The following UVRAG variants were observed in gnomAD, a reference collection of about 807,000 sequenced individuals.
UVRAG encodes UV radiation resistance associated.
In UVRAG, 19 loss-of-function variants were observed where a neutral mutation model predicts 78.0. That is an observed-to-expected ratio of 0.24 (90% CI 0.17 to 0.36). The LOEUF is 0.36. UVRAG is among the 10% of genes least tolerant of loss of function. The pLI is 1.00. For synonymous variants in UVRAG, 323 were observed against 324.6 expected, an observed-to-expected ratio of 1.00 and a Z score of 0.05; for missense variants, 740 against 853.8, an observed-to-expected ratio of 0.87 and a Z score of 1.66.
chr11:76,037,327 C>T (rs993676183), intron 12 of UVRAG, among the ~76,000 whole-genome samples: 1 of 152,032 alleles, frequency 6.6e-6, no homozygotes, highest in Non-Finnish European at 1.5e-5. Context: ...AGAAAAATAT[C>T]ATATCATTTC....
intron 7 of UVRAG, among the ~76,000 whole-genome samples, chr11:75,980,580 T>A (rs1050577955): frequency 2.0e-5 from 3 of 152,226 alleles, no homozygotes; most frequent in African/African-American, 7.2e-5. Flanking sequence ...TATAGTGTTT[T>A]TTTATTCTTC....
At chr11:75,894,691 C>A (rs1453518818) in intron 5 of UVRAG, among the ~76,000 whole-genome samples, 6 of 151,294 alleles carry the variant, frequency 4.0e-5, no homozygotes, top group Non-Finnish European at 8.9e-5. Flanking sequence ...GGCTGAGGCA[C>A]CCTGCCCAGA....
chr11:75,833,821 C>G (rs1169662897), intron 1 of UVRAG, among the ~76,000 whole-genome samples: 1 of 152,214 alleles, frequency 6.6e-6, no homozygotes, highest in Admixed American at 6.5e-5. Flanking sequence ...CCTTAAGGCA[C>G]AGATCGCTCA....
At chr11:75,976,777 G>GCTA (rs1258207526) in intron 7 of UVRAG, among the ~76,000 whole-genome samples, 1 of 151,948 alleles carries the variant, frequency 6.6e-6, no homozygotes, top group Non-Finnish European at 1.5e-5. Context: ...TATTAGTCTT[G>GCTA]CTAGCGGTCT....
intron 6 of UVRAG, among the ~76,000 whole-genome samples, chr11:75,946,579 G>A (rs954759962): frequency 4.6e-5 from 7 of 152,200 alleles, no homozygotes; most frequent in African/African-American, 1.2e-4. Context: ...TGTCAGCTGC[G>A]CTGTGTTCTT....
chr11:76,053,968 C>CA (rs11390273), intron 12 of UVRAG, among the ~76,000 whole-genome samples: 109,271 of 123,650 alleles, frequency 0.88, 48,668 homozygotes, highest in East Asian at 0.96. Context: ...GACTCCATCT[C>CA]AAAAAAAAAA....
At chr11:75,827,842 A>G (rs1945550475) in intron 1 of UVRAG, among the ~76,000 whole-genome samples, 1 of 152,322 alleles carries the variant, frequency 6.6e-6, no homozygotes, top group South Asian at 2.1e-4. Flanking sequence ...CCAGAAAACT[A>G]AACTTTTAAA....
intron 14 of UVRAG, among the ~76,000 whole-genome samples, chr11:76,129,821 T>C (rs888358474): frequency 6.6e-6 from 1 of 152,060 alleles, no homozygotes; most frequent in African/African-American, 2.4e-5. Flanking sequence ...GACCCCTCCA[T>C]TCTGCTCTCC....
chr11:76,141,391 C>T lies in UVRAG; in HGVS notation c.2078C>T (p.Pro693Leu), dbSNP rs1224775804. Residue 693 changes from proline to leucine, a missense_variant, in exon 15 of 15, where the codon CCG becomes CTG. By Grantham distance (98) the Pro-to-Leu change is moderately conservative. Transcript: ENST00000356136. Reference sequence around the variant, plus strand: ...GAAAACGTATCCAGCTTCCGCCGGCCGCGCAGGAGTTCCGATAAGTGAAGT... The same window carrying T: ...GAAAACGTATCCAGCTTCCGCCGGCTGCGCAGGAGTTCCGATAAGTGAAGT... ...LNENVSSFRR[P>L]RRSSDK 4 of 1,613,394 alleles carry T rather than the reference C, an allele frequency of 2.5e-6. No individual in the cohort carries two copies. Among genetic ancestry groups the T allele is most frequent in the Middle Eastern group, 1.8e-4 (1 of 5,654 alleles).
chr11:76,136,598 C>T (rs1952601406), intron 14 of UVRAG, among the ~76,000 whole-genome samples: 1 of 151,150 alleles, frequency 6.6e-6, no homozygotes, highest in Non-Finnish European at 1.5e-5. Context: ...AACCCAGGCT[C>T]ACGCAATCCT....
At chr11:75,964,086 A>G (rs954316534) in intron 7 of UVRAG, among the ~76,000 whole-genome samples, 2 of 152,234 alleles carry the variant, frequency 1.3e-5, no homozygotes, top group African/African-American at 4.8e-5. Flanking sequence ...TTGCATTCCT[A>G]GGGAAAGCCC....
chr11:75,935,481 C>G (rs961866375), intron 6 of UVRAG, among the ~76,000 whole-genome samples: 3 of 152,154 alleles, frequency 2.0e-5, no homozygotes, highest in African/African-American at 7.2e-5. Flanking sequence ...CTTTCTCTCT[C>G]TCTCTCTCTC....
In UVRAG at chr11:75,911,962, A is replaced by C; in HGVS notation, c.516A>C (p.Ser172=). The C allele has an allele frequency of 6.2e-7, 1 of 1,609,360 alleles. No homozygotes were observed. The highest frequency in any genetic ancestry group is 8.5e-7 in the Non-Finnish European group (1 of 1,176,830). ...YGAPFEHKGY[S]NAQKTILLQV... ...TGGTTAATGTCTTTCAGGGTTATTC[A>C]AATGCTCAGAAGACTATTCTTCTGC... is the stretch of plus-strand genomic sequence containing the variant. Residue 172 remains serine, a synonymous_variant, in exon 6 of 15, where the codon TCA becomes TCC. Transcript: ENST00000356136.
intron 14 of UVRAG, among the ~76,000 whole-genome samples, chr11:76,127,411 T>C (rs1360815120): frequency 1.3e-5 from 2 of 152,148 alleles, no homozygotes; most frequent in African/African-American, 4.8e-5. Context: ...CCCAGCACTT[T>C]GGGAGGCCGA....
chr11:75,912,414 G>T (rs1460814835), intron 6 of UVRAG, among the ~76,000 whole-genome samples: 1 of 152,140 alleles, frequency 6.6e-6, no homozygotes, highest in Non-Finnish European at 1.5e-5. Flanking sequence ...CCCAAACATG[G>T]CTTTGAGTTT....
At chr11:76,139,851 A>G (rs920306672) in intron 14 of UVRAG, among the ~76,000 whole-genome samples, 1 of 152,148 alleles carries the variant, frequency 6.6e-6, no homozygotes, top group Non-Finnish European at 1.5e-5. Context: ...TAACTGAACA[A>G]TGATTGTTAT....
intron 7 of UVRAG, among the ~76,000 whole-genome samples, chr11:75,972,145 T>C (rs2135240536): frequency 6.6e-6 from 1 of 152,244 alleles, no homozygotes; most frequent in Admixed American, 6.5e-5. Flanking sequence ...CTTTATCAGA[T>C]ATGTTTTTTT....
chr11:76,059,674 A>G (rs1385147584), intron 12 of UVRAG, among the ~76,000 whole-genome samples: 1 of 152,210 alleles, frequency 6.6e-6, no homozygotes, highest in Non-Finnish European at 1.5e-5. Context: ...GCAGGAATGG[A>G]GAATGTTACA....
At chr11:75,874,380 A>G (rs976787795) in intron 3 of UVRAG, among the ~76,000 whole-genome samples, 2 of 152,148 alleles carry the variant, frequency 1.3e-5, no homozygotes, top group African/African-American at 4.8e-5. Context: ...AAGAAGACTC[A>G]GTTTCTGTGT....
Sources: gnomAD v4.1 joint callset for allele counts (sites outside exome capture counted in the v4.1 genomes callset) on GRCh38, gnomAD v4.1.1 for gene constraint, MANE v1.5 for transcripts, NCBI Gene and HGNC (gene_info 2026-07-23, HGNC 2026-07-21) for gene names.